The following NCOA3 variants were observed in gnomAD, a reference collection of about 807,000 sequenced individuals.
The protein encoded by NCOA3 is CBP-interacting protein.
In NCOA3, 51 loss-of-function variants were observed where a neutral mutation model predicts 158.8. That is an observed-to-expected ratio of 0.32 (90% CI 0.26 to 0.41). The LOEUF (loss-of-function observed/expected upper bound fraction) is 0.41. NCOA3 is among the 10% of genes least tolerant of loss of function. NCOA3 has a pLI of 1.00. For synonymous variants in NCOA3, 537 were observed against 592.4 expected, an observed-to-expected ratio of 0.91 and a Z score of 1.36; for missense variants, 1,510 against 1,746.6, an observed-to-expected ratio of 0.86 and a Z score of 2.41.
intron 4 of NCOA3, 69 bp from the exon 5 acceptor site, chr20:47,625,312 A>G: frequency 1.0e-6 from 1 of 1,003,104 alleles, no homozygotes. Context: ...TCTTCTGGGG[A>G]CTATTCGAAG....
intron 1 of NCOA3, among the ~76,000 whole-genome samples, chr20:47,502,240 G>A (rs1449330301): frequency 1.3e-5 from 2 of 152,218 alleles, no homozygotes; most frequent in Non-Finnish European, 2.9e-5. Flanking sequence ...TAGGAGCTGA[G>A]ACGAAGCTGG....
At chr20:47,601,004 C>T (rs6090703) in intron 2 of NCOA3, among the ~76,000 whole-genome samples, 70,502 of 151,876 alleles carry the variant, frequency 0.46, 16,910 homozygotes, top group Middle Eastern at 0.62. Context: ...TCTTAGTCTG[C>T]TTTCTGGTGT....
intron 1 of NCOA3, among the ~76,000 whole-genome samples, chr20:47,564,939 G>A (rs943364889): frequency 3.3e-5 from 5 of 151,182 alleles, no homozygotes; most frequent in Admixed American, 1.3e-4. Flanking sequence ...TTCCTTGTTT[G>A]TTTATACACC....
intron 17 of NCOA3, 70 bp from the exon 18 acceptor site, chr20:47,646,999 ACTTT>A (rs1200358121): frequency 1.4e-6 from 2 of 1,406,774 alleles, no homozygotes; most frequent in African/African-American, 2.9e-5. Context: ...TGTTTTTTGC[ACTTT>A]CTTTAGAGCA....
At chr20:47,556,138 T>C (rs775917155) in intron 1 of NCOA3, among the ~76,000 whole-genome samples, 5 of 151,998 alleles carry the variant, frequency 3.3e-5, no homozygotes, top group Non-Finnish European at 7.4e-5. Flanking sequence ...TTTCACCATG[T>C]TGGCCAGGCT....
intron 1 of NCOA3, among the ~76,000 whole-genome samples, chr20:47,515,707 T>C (rs1289818071): frequency 2.6e-5 from 4 of 152,128 alleles, no homozygotes; most frequent in African/African-American, 9.7e-5. Flanking sequence ...CTTGAACTTC[T>C]GGCCTCAAGT....
chr20:47,589,945 ATTT>A (rs1568707770), intron 2 of NCOA3, among the ~76,000 whole-genome samples: 1 of 134,460 alleles, frequency 7.4e-6, no homozygotes, highest in African/African-American at 2.5e-5. Context: ...TTTTAAAAAA[ATTT>A]TTTAATTTAT....
intron 2 of NCOA3, among the ~76,000 whole-genome samples, chr20:47,610,580 G>A (rs1368436798): frequency 6.6e-6 from 1 of 152,132 alleles, no homozygotes; most frequent in African/African-American, 2.4e-5. Context: ...TTACTGAAGA[G>A]TAATAAGCTG....
chr20:47,543,937 C>T (rs1435439361), intron 1 of NCOA3, among the ~76,000 whole-genome samples: 1 of 152,100 alleles, frequency 6.6e-6, no homozygotes, highest in Non-Finnish European at 1.5e-5. Flanking sequence ...CTAGTATTCT[C>T]CTGTGGTAAA....
At chr20:47,595,394 C>T (rs2085736954) in intron 2 of NCOA3, among the ~76,000 whole-genome samples, 1 of 152,218 alleles carries the variant, frequency 6.6e-6, no homozygotes, top group African/African-American at 2.4e-5. Context: ...GCCACCACGC[C>T]TGGCCTTAAA....
chr20:47,625,820 C>T (rs557758087), intron 5 of NCOA3, among the ~76,000 whole-genome samples: 3 of 152,062 alleles, frequency 2.0e-5, no homozygotes, highest in African/African-American at 7.2e-5. Context: ...ATGGGTTTTG[C>T]ACCACAGATT....
At chr20:47,514,556 T>A (rs1412843190) in intron 1 of NCOA3, among the ~76,000 whole-genome samples, 2 of 150,538 alleles carry the variant, frequency 1.3e-5, no homozygotes, top group African/African-American at 4.9e-5. Context: ...CCCACCTAAT[T>A]TTTTTTTTGT....
chr20:47,589,194 C>T (rs909845589), intron 2 of NCOA3, among the ~76,000 whole-genome samples: 3 of 152,110 alleles, frequency 2.0e-5, no homozygotes, highest in African/African-American at 2.4e-5. Context: ...CCATTGTGCC[C>T]GGCCAGAGGA....
At chr20:47,597,476 C>G (rs986738441) in intron 2 of NCOA3, among the ~76,000 whole-genome samples, 1 of 150,280 alleles carries the variant, frequency 6.7e-6, no homozygotes, top group Non-Finnish European at 1.5e-5. Context: ...TTGATTCTAA[C>G]CTGTGCTTTT....
chr20:47,605,936 T>G (rs970284895), intron 2 of NCOA3, among the ~76,000 whole-genome samples: 4 of 152,232 alleles, frequency 2.6e-5, no homozygotes, highest in African/African-American at 7.2e-5. Flanking sequence ...GGCCTGCAGA[T>G]AGTAGATACT....
chr20:47,580,849 C>G (rs2085441673), intron 1 of NCOA3, among the ~76,000 whole-genome samples: 1 of 151,990 alleles, frequency 6.6e-6, no homozygotes, highest in Admixed American at 6.6e-5. Flanking sequence ...ACCTGTAATC[C>G]CAACACTTTG....
chr20:47,601,381 C>G (rs1415991519), intron 2 of NCOA3, among the ~76,000 whole-genome samples: 1 of 152,200 alleles, frequency 6.6e-6, no homozygotes, highest in African/African-American at 2.4e-5. Context: ...TGGAGATAAA[C>G]TATATTCAAA....
At chr20:47,572,501 C>A (rs1390488307) in intron 1 of NCOA3, among the ~76,000 whole-genome samples, 2 of 152,050 alleles carry the variant, frequency 1.3e-5, no homozygotes, top group African/African-American at 4.8e-5. Context: ...TTTTGACATG[C>A]CTTCCTCACT....
intron 2 of NCOA3, among the ~76,000 whole-genome samples, chr20:47,590,903 A>T (rs1212614482): frequency 6.6e-6 from 1 of 152,154 alleles, no homozygotes; most frequent in African/African-American, 2.4e-5. Context: ...TGAGGTCAGG[A>T]GTTCAAGACC....
Sources: gnomAD v4.1 joint callset for allele counts (sites outside exome capture counted in the v4.1 genomes callset) on GRCh38, gnomAD v4.1.1 for gene constraint, MANE v1.5 for transcripts, NCBI Gene and HGNC (gene_info 2026-07-23, HGNC 2026-07-21) for gene names.